The following GMPS variants were observed in gnomAD, a reference collection of about 807,000 sequenced individuals.
The protein encoded by GMPS is guanosine monophosphate synthase, also known as GMP synthase [glutamine-hydrolyzing].
A neutral mutation model predicts 77.9 loss-of-function variants in GMPS; 15 were observed. The observed-to-expected ratio is 0.19, with a 90% CI of 0.13 to 0.30. The LOEUF (loss-of-function observed/expected upper bound fraction) is 0.30, where lower values mean the gene tolerates loss of function less well. Ranked by LOEUF, GMPS falls within the 10% of genes least tolerant of loss-of-function variation. The pLI is 1.00. For synonymous variants in GMPS, 224 were observed against 275.9 expected (o/e 0.81, Z 1.86); for missense variants, 590 against 838.8 (o/e 0.70, Z 3.66).
rs1290673030 is a variant in GMPS at position 155,940,357 on chromosome 3, T to C, written c.*2665T>C. ...ATTCCTAAATACAAGTCTGTAGATA[T>C]ATCCAGGAGATAGGGTTACACTGTT... On this transcript the variant is annotated 3_prime_UTR_variant, in exon 16 of 16. Transcript: ENST00000496455. The C allele has an allele frequency of 3.0e-5, 6 of 201,630 alleles. No individual in the cohort carries two copies. Among genetic ancestry groups the C allele is most frequent in the African/African-American group, 4.6e-5 (2 of 43,618 alleles). The allele number at this position is 201,630 out of a possible 1,614,324, so 12.5% of individuals were successfully genotyped here.
chr3:155,941,987 T>G lies in GMPS; in HGVS notation c.*4295T>G, dbSNP rs1035555728. ...CCTTTTTGTCAGTGTTCCTCAACAC[T>G]GGATGCGTATTATTACATAACCTGA... On this transcript the variant is annotated 3_prime_UTR_variant, in exon 16 of 16. Coordinates refer to ENST00000496455, the MANE Select transcript of GMPS (RefSeq NM_003875.3). 4 of 210,402 alleles carry G rather than the reference T, an allele frequency of 1.9e-5. No homozygotes were observed. The highest frequency in any genetic ancestry group is 3.9e-5 in the Non-Finnish European group (4 of 103,840). 13.0% of individuals were successfully genotyped at this position (210,402 alleles called of 1,614,324 possible). A position where few individuals can be genotyped will look rare whatever the true frequency, so the allele number is the denominator to read the frequency against.
intron 12 of GMPS, among the ~76,000 whole-genome samples, chr3:155,927,697 A>G (rs1201544645): frequency 6.6e-6 from 1 of 152,216 alleles, no homozygotes; most frequent in African/African-American, 2.4e-5. Flanking sequence ...ATACATTAAA[A>G]AAAATTCTTT....
At chr3:155,897,863 A>G in intron 2 of GMPS, 64 bp from the exon 3 acceptor site, 1 of 831,764 alleles carries the variant, frequency 1.2e-6, no homozygotes, top group Non-Finnish European at 2.1e-6. Flanking sequence ...TACAAGGGAG[A>G]GAGGGCATAG....
chr3:155,911,037 G>A, intron 6 of GMPS, 77 bp from the exon 7 acceptor site: 1 of 1,259,258 alleles, frequency 7.9e-7, no homozygotes, highest in South Asian at 1.5e-5. Flanking sequence ...AGCACTTTTA[G>A]ATAAAGATTT....
intron 9 of GMPS, among the ~76,000 whole-genome samples, chr3:155,917,931 C>T (rs1039617093): frequency 7.9e-5 from 12 of 152,088 alleles, no homozygotes; most frequent in Non-Finnish European, 1.6e-4. Flanking sequence ...GTATATAACA[C>T]ATTTTGCCTA....
chr3:155,888,192 C>G (rs1037854097), intron 1 of GMPS, among the ~76,000 whole-genome samples: 2 of 143,448 alleles, frequency 1.4e-5, no homozygotes, highest in African/African-American at 5.2e-5. Context: ...TGCTTTTAAT[C>G]TAAAATACCC....
intron 13 of GMPS, among the ~76,000 whole-genome samples, chr3:155,932,277 AACACACACAC>A (rs10548751): frequency 2.8e-5 from 4 of 141,240 alleles, no homozygotes; most frequent in South Asian, 2.3e-4. Context: ...CAAATAAAGT[AACACACACAC>A]ACACACACAC....
chr3:155,905,483 C>T (rs908705276), intron 4 of GMPS, among the ~76,000 whole-genome samples: 35 of 152,218 alleles, frequency 2.3e-4, no homozygotes, highest in African/African-American at 6.7e-4. Flanking sequence ...TTGTTTGGCA[C>T]TAGAGGTCCA....
At chr3:155,935,915 A>G (rs1755754574) in intron 14 of GMPS, among the ~76,000 whole-genome samples, 1 of 152,200 alleles carries the variant, frequency 6.6e-6, no homozygotes, top group South Asian at 2.1e-4. Context: ...AGTGTCTTAA[A>G]TCAGAAACAC....
chr3:155,909,900 C>T (rs1411237331), intron 5 of GMPS, among the ~76,000 whole-genome samples: 1 of 150,152 alleles, frequency 6.7e-6, no homozygotes, highest in African/African-American at 2.5e-5. Flanking sequence ...TATGATTACA[C>T]CTCTGCACTC....
chr3:155,925,269 C>G lies in GMPS; in HGVS notation c.1463C>G (p.Ala488Gly), dbSNP rs1755423206. Residue 488 changes from alanine (A) to glycine (G), a missense_variant, in exon 12 of 16, where the codon GCC (alanine) becomes GGC (glycine). Transcript: ENST00000496455. Reference sequence around the variant, plus strand: ...CATACCCTATTACAGAGAGTCAAAGCCTGCACAACAGAAGAGGATCAGGAG... The same window carrying G: ...CATACCCTATTACAGAGAGTCAAAGGCTGCACAACAGAAGAGGATCAGGAG... ...KPHTLLQRVK[A>G]CTTEEDQEKL... is the part of the protein sequence containing the mutation. 2.5e-6 allele frequency: 4 copies of G among 1,612,888 alleles called. No homozygotes were observed. Among genetic ancestry groups the G allele is most frequent in the Non-Finnish European group, 3.4e-6 (4 of 1,179,096 alleles).
chr3:155,908,419 T>C (rs1366881360), intron 5 of GMPS, among the ~76,000 whole-genome samples: 1 of 152,230 alleles, frequency 6.6e-6, no homozygotes, highest in Non-Finnish European at 1.5e-5. Context: ...CTCAATAAAT[T>C]CCATTCCCCC....
At chr3:155,912,581 G>T (rs1253555949) in intron 7 of GMPS, among the ~76,000 whole-genome samples, 1 of 152,192 alleles carries the variant, frequency 6.6e-6, no homozygotes, top group South Asian at 2.1e-4. Context: ...CTTAGTATGG[G>T]TTTAGTGGTA....
intron 2 of GMPS, among the ~76,000 whole-genome samples, chr3:155,897,593 C>T (rs1193334072): frequency 1.3e-5 from 2 of 152,150 alleles, no homozygotes; most frequent in Non-Finnish European, 2.9e-5. Flanking sequence ...AGAATTCTTA[C>T]GTACTTCTTC....
At position 155,895,859 on chromosome 3, in the gene GMPS, T is replaced by C. The variant is rs1577509698; in HGVS notation, c.210-2068T>C. On this transcript the variant is annotated intron_variant, in intron 2 of 15. Transcript: ENST00000496455. ...TTTTTTAATAGCACTAAGAATCTTA[T>C]ATCCTAGAGTTCTTTAGCAGATTAA... Among the ~76,000 whole-genome samples, 6 of 152,302 alleles carry C rather than the reference T, an allele frequency of 3.9e-5. No individual in the cohort carries two copies. In the South Asian group the frequency reaches 1.2e-3, roughly 32 times the overall value.
At chr3:155,932,309 CA>C (rs1460559816) in intron 13 of GMPS, among the ~76,000 whole-genome samples, 15 of 151,786 alleles carry the variant, frequency 9.9e-5, no homozygotes, top group African/African-American at 3.1e-4. Context: ...CACACACACA[CA>C]CACACCCCTA....
intron 2 of GMPS, among the ~76,000 whole-genome samples, chr3:155,895,209 A>G (rs1481294332): frequency 6.6e-6 from 1 of 152,188 alleles, no homozygotes; most frequent in Non-Finnish European, 1.5e-5. Flanking sequence ...TGTGGCTTTT[A>G]TTACTGTAAT....
chr3:155,894,743 CAT>C (rs1577508994), intron 2 of GMPS, among the ~76,000 whole-genome samples: 1 of 152,154 alleles, frequency 6.6e-6, no homozygotes, highest in Admixed American at 6.5e-5. Flanking sequence ...ACTTCACAGA[CAT>C]GTGTGCATTA....
In GMPS at chr3:155,914,463, C is replaced by A; in HGVS notation, c.931C>A (p.Pro311Thr). The A allele has an allele frequency of 6.3e-7, 1 of 1,599,310 alleles. No homozygotes were observed. The highest frequency in any genetic ancestry group is 1.1e-5 in the South Asian group (1 of 87,654). ...TTTCTACAATGGAACAACAACCCTACCAATATCAGATGAAGATAGAACCCC... is the reference window on the plus strand; with the variant it reads ...TTTCTACAATGGAACAACAACCCTAACAATATCAGATGAAGATAGAACCCC... ...HSFYNGTTTL[P>T]ISDEDRTPRK... is the part of the protein sequence containing the mutation. Residue 311 changes from proline to threonine, a missense_variant, in exon 8 of 16, where the codon CCA (proline) becomes ACA (threonine). Coordinates refer to ENST00000496455, the MANE Select transcript of GMPS (RefSeq NM_003875.3).
Sources: allele counts gnomAD v4.1 joint callset (sites outside exome capture counted in the v4.1 genomes callset), GRCh38; gene constraint gnomAD v4.1.1; transcripts MANE v1.5; gene names NCBI Gene and HGNC (gene_info 2026-07-23, HGNC 2026-07-21).